Variants in EFTUD2 observed in about 807,000 individuals in gnomAD.
The protein encoded by EFTUD2 is elongation factor Tu GTP binding domain containing 2.
In EFTUD2, 9 loss-of-function variants were observed where a neutral mutation model predicts 114.3. The ratio of observed to expected loss-of-function variants is 0.08; its 90% CI spans 0.05 to 0.14. The LOEUF is 0.14. Among genes scored for constraint, EFTUD2 ranks in the 10% least tolerant of loss-of-function variants. The pLI, the probability that EFTUD2 is intolerant of heterozygous loss-of-function variation, is 1.00. For synonymous variants in EFTUD2, 449 were observed against 462.3 expected (o/e 0.97, Z 0.37); for missense variants, 765 against 1,241.2 (o/e 0.62, Z 5.76).
Position 44,854,019 on chromosome 17 carries a change from G to A in EFTUD2, c.2347+250C>T, listed in dbSNP as rs1214377391. The A allele has an allele frequency of 3.3e-5, 45 of 1,361,604 alleles. No homozygotes were observed. The East Asian group carries it at 7.4e-4, about 22-fold the overall frequency. 84.3% of individuals were successfully genotyped at this position (1,361,604 alleles called of 1,614,324 possible). A position where few individuals can be genotyped will look rare whatever the true frequency, so the allele number is the denominator to read the frequency against. On this transcript the variant is annotated intron_variant, in intron 23 of 27. Coordinates refer to ENST00000426333, the MANE Select transcript of EFTUD2 (RefSeq NM_004247.4). This position sits in a 1 kb window ranked among gnomAD's most constrained non-coding sequence, Gnocchi z 4.3. ...CCTCTTGATATCTCTTCTCAAATAC[G>A]TCCAACGCCAAACCCTTCTCAGAAA... is the stretch of plus-strand genomic sequence containing the variant.
At chr17:44,856,961 G>A (rs2050567992) in intron 20 of EFTUD2, 114 bp downstream of exon 20, 5 of 834,562 alleles carry the variant, frequency 6.0e-6, no homozygotes, top group Admixed American at 4.2e-5. Context: ...CCCCTATTCT[G>A]AGCTGTAGAG....
intron 18 of EFTUD2, 141 bp downstream of exon 18, chr17:44,859,764 G>C (rs2145458232): frequency 7.4e-7 from 1 of 1,356,896 alleles, no homozygotes; most frequent in Non-Finnish European, 1.0e-6. Flanking sequence ...TGACATGACA[G>C]CCATAGGCTG....
At chr17:44,894,625 C>A (rs530189774) in intron 1 of EFTUD2, 100 bp from the exon 2 acceptor site, 41 of 840,612 alleles carry the variant, frequency 4.9e-5, no homozygotes, top group Middle Eastern at 2.2e-4. Context: ...TTGGCCATAC[C>A]CCTTTCACAT....
chr17:44,863,073 GAAT>G, intron 15 of EFTUD2, 167 bp from the exon 16 acceptor site: 1 of 516,024 alleles, frequency 1.9e-6, no homozygotes, highest in South Asian at 4.4e-5. Context: ...TGAGAAGGAT[GAAT>G]AGGAGACATG....
intron 8 of EFTUD2, 79 bp from the exon 9 acceptor site, chr17:44,879,717 A>G: frequency 7.0e-7 from 1 of 1,419,742 alleles, no homozygotes; most frequent in Non-Finnish European, 9.8e-7. Context: ...CTGAGGGGGC[A>G]CTTCAAAGCC....
At chr17:44,860,603 T>A (rs1597795805) in intron 16 of EFTUD2, 60 bp from the exon 17 acceptor site, 1 of 1,103,538 alleles carries the variant, frequency 9.1e-7, no homozygotes, top group Non-Finnish European at 1.3e-6. Flanking sequence ...TAATTTTTTT[T>A]TTTTTTTTTT....
In EFTUD2 at chr17:44,885,351, A is replaced by G. The variant is rs749338246; in HGVS notation, c.272-17T>C. On this transcript the variant is annotated splice_polypyrimidine_tract_variant and intron_variant, in intron 3 of 27. Coordinates refer to ENST00000426333, the MANE Select transcript of EFTUD2 (RefSeq NM_004247.4). ...TAATGGGTTCTAGAAGAAAAAAAAA[A>G]GGTAGTGATGTGTAGGTGGGCATAA... 3 of 1,576,696 alleles carry G rather than the reference A, an allele frequency of 1.9e-6. No homozygotes were observed. In the South Asian group the frequency reaches 3.3e-5, roughly 18 times the overall value.
intron 16 of EFTUD2, among the ~76,000 whole-genome samples, chr17:44,861,166 T>C (rs2050652228): frequency 6.6e-6 from 1 of 152,018 alleles, no homozygotes; most frequent in South Asian, 2.1e-4. Context: ...GAAGGCCGGG[T>C]GTGGCGGCTC....
intron 19 of EFTUD2, among the ~76,000 whole-genome samples, chr17:44,857,889 CTT>C (rs1226080786): frequency 6.7e-6 from 1 of 149,826 alleles, no homozygotes; most frequent in African/African-American, 2.5e-5. Context: ...CCAAGAATAA[CTT>C]TGGCTTGGGA....
chr17:44,851,611 G>C lies in EFTUD2; in HGVS notation c.2823+99C>G, dbSNP rs529308900. 4.9e-6 allele frequency: 6 copies of C among 1,234,232 alleles called. 1 individual carries two copies. The South Asian group carries it at 7.8e-5, about 16-fold the overall frequency. The allele number at this position is 1,234,232 out of a possible 1,614,324, so 76.5% of individuals were successfully genotyped here. A position where few individuals can be genotyped will look rare whatever the true frequency, so the allele number is the denominator to read the frequency against. On this transcript the variant is annotated intron_variant, in intron 27 of 27. Coordinates refer to ENST00000426333, the MANE Select transcript of EFTUD2 (RefSeq NM_004247.4). Reference sequence around the variant, plus strand: ...CAGATCATATCTCTACATTGGAAAAGTGTCCCTTAGGAAAAGGGGCCAAAA... The same window carrying C: ...CAGATCATATCTCTACATTGGAAAACTGTCCCTTAGGAAAAGGGGCCAAAA...
intron 18 of EFTUD2, 101 bp downstream of exon 18, chr17:44,859,804 C>T: frequency 3.8e-6 from 6 of 1,571,118 alleles, no homozygotes; most frequent in South Asian, 1.2e-5. Context: ...TTCCTGTAAG[C>T]AGCAGATCAT....
chr17:44,874,035 CTTTTTT>C (rs35563732), intron 10 of EFTUD2, among the ~76,000 whole-genome samples: 15 of 115,488 alleles, frequency 1.3e-4, no homozygotes, highest in African/African-American at 3.9e-4. Flanking sequence ...TGCCCGGCCT[CTTTTTT>C]TTTTTTTTTT....
At chr17:44,865,094 T>G (rs1275309801) in intron 13 of EFTUD2, 29 bp from the exon 14 acceptor site, 1 of 1,613,426 alleles carries the variant, frequency 6.2e-7, no homozygotes, top group Admixed American at 1.7e-5. Context: ...CCATGTCAGC[T>G]GTAGTGAGAG....
chr17:44,888,746 G>A (rs1216780557), intron 2 of EFTUD2, among the ~76,000 whole-genome samples: 1 of 152,202 alleles, frequency 6.6e-6, no homozygotes, highest in Admixed American at 6.5e-5. Context: ...TTATTGAGAT[G>A]AGGAAGAAAG....
intron 2 of EFTUD2, among the ~76,000 whole-genome samples, chr17:44,891,204 G>T (rs1480496246): frequency 6.6e-6 from 1 of 152,182 alleles, no homozygotes; most frequent in Non-Finnish European, 1.5e-5. Flanking sequence ...CATAGAAAAA[G>T]AAACATACAT....
At chr17:44,885,010 T>C (rs913200100) in intron 4 of EFTUD2, among the ~76,000 whole-genome samples, 3 of 152,250 alleles carry the variant, frequency 2.0e-5, no homozygotes, top group Admixed American at 6.5e-5. Context: ...AGATCTCTCT[T>C]GAAGGCTGGC....
intron 20 of EFTUD2, among the ~76,000 whole-genome samples, chr17:44,855,411 A>T (rs886460992): frequency 2.0e-5 from 3 of 152,112 alleles, no homozygotes; most frequent in African/African-American, 7.2e-5. Context: ...AATACAAAAA[A>T]TTAGCTGGGC....
At chr17:44,863,511 G>T (rs1420953622) in intron 15 of EFTUD2, 144 bp downstream of exon 15, 1 of 1,207,716 alleles carries the variant, frequency 8.3e-7, no homozygotes, top group Non-Finnish European at 1.2e-6. Context: ...GCAACATCAG[G>T]CTTTGCATTC....
At position 44,854,751 on chromosome 17, in the gene EFTUD2, C is replaced by A; in HGVS notation, c.2133-69G>T. 6.3e-7 allele frequency: 1 copy of A among 1,588,772 alleles called. No individual in the cohort carries two copies. Among genetic ancestry groups the A allele is most frequent in the East Asian group, 2.2e-5 (1 of 44,564 alleles). ...ATTGCTGGTCCTGGAGCCACAGACCCTCCCTTCCTGGAAGACAGTCACTTC... is the reference window on the plus strand; with the variant it reads ...ATTGCTGGTCCTGGAGCCACAGACCATCCCTTCCTGGAAGACAGTCACTTC... On this transcript the variant is annotated intron_variant, in intron 21 of 27. Transcript: ENST00000426333. The surrounding 1 kb of genome is among the most constrained non-coding windows in gnomAD (Gnocchi z 4.3).
Sources: gnomAD v4.1 joint callset for allele counts (sites outside exome capture counted in the v4.1 genomes callset) on GRCh38, gnomAD v4.1.1 for gene constraint, Gnocchi (gnomAD v3.1) non-coding constraint, MANE v1.5 for transcripts, NCBI Gene and HGNC (gene_info 2026-07-23, HGNC 2026-07-21) for gene names.